Variants in GRIK3 observed in about 807,000 individuals in gnomAD.
The protein encoded by GRIK3 is glutamate receptor ionotropic, kainate 3.
A neutral mutation model predicts 102.5 loss-of-function variants in GRIK3; 29 were observed. That is an observed-to-expected ratio of 0.28 (90% CI 0.21 to 0.39). The LOEUF (loss-of-function observed/expected upper bound fraction) is 0.39. GRIK3 is among the 10% of genes least tolerant of loss of function. The pLI is 1.00. For synonymous variants in GRIK3, 511 were observed against 504.9 expected (o/e 1.01, Z -0.16); for missense variants, 908 against 1,252.4 (o/e 0.73, Z 4.15).
chr1:36,997,358 T>C (rs1377681800), intron 1 of GRIK3, among the ~76,000 whole-genome samples: 1 of 152,208 alleles, frequency 6.6e-6, no homozygotes. Flanking sequence ...GGCTATTGTA[T>C]GCAAGAGAAA....
chr1:37,004,039 C>G (rs1642506371), intron 1 of GRIK3, among the ~76,000 whole-genome samples: 1 of 152,176 alleles, frequency 6.6e-6, no homozygotes, highest in South Asian at 2.1e-4. Flanking sequence ...TCGGCCCAAT[C>G]TCTGCCTTGG....
intron 10 of GRIK3, among the ~76,000 whole-genome samples, chr1:36,833,627 A>G (rs1054000852): frequency 2.0e-5 from 3 of 152,252 alleles, no homozygotes; most frequent in African/African-American, 4.8e-5. Flanking sequence ...GGGCCAACAC[A>G]TGCAGGCCAG....
chr1:36,983,780 G>A (rs1018950971), intron 1 of GRIK3, among the ~76,000 whole-genome samples: 1 of 152,100 alleles, frequency 6.6e-6, no homozygotes, highest in African/African-American at 2.4e-5. Context: ...GATTTTCTTT[G>A]ATGTGAATTA....
chr1:36,898,056 A>G (rs1641192708), intron 1 of GRIK3, among the ~76,000 whole-genome samples: 2 of 152,028 alleles, frequency 1.3e-5, no homozygotes, highest in African/African-American at 4.8e-5. Flanking sequence ...GATAAACATC[A>G]CACACTCTCA....
chr1:36,809,702 T>C (rs930095707), intron 13 of GRIK3, among the ~76,000 whole-genome samples: 7 of 151,990 alleles, frequency 4.6e-5, no homozygotes, highest in African/African-American at 1.7e-4. Context: ...CACAACACCA[T>C]AGATGGAGAC....
intron 1 of GRIK3, among the ~76,000 whole-genome samples, chr1:36,952,170 G>A (rs996589726): frequency 1.3e-4 from 20 of 152,140 alleles, no homozygotes; most frequent in African/African-American, 3.6e-4. Flanking sequence ...TGTACAATAC[G>A]TACCACTCAG....
At chr1:36,978,301 G>C (rs553509725) in intron 1 of GRIK3, among the ~76,000 whole-genome samples, 2 of 152,206 alleles carry the variant, frequency 1.3e-5, no homozygotes, top group African/African-American at 4.8e-5. Flanking sequence ...CCCAGATTAC[G>C]GAGCATCTAT....
At chr1:36,869,702 T>G (rs776155041) in intron 5 of GRIK3, 46 bp downstream of exon 5, 1 of 1,387,170 alleles carries the variant, frequency 7.2e-7, no homozygotes. Flanking sequence ...ACTTGATCCA[T>G]GAGAGTCCCA....
intron 1 of GRIK3, among the ~76,000 whole-genome samples, chr1:37,012,384 C>G (rs775888367): frequency 9.9e-5 from 15 of 152,082 alleles, no homozygotes; most frequent in Non-Finnish European, 1.8e-4. Context: ...TTCATGACAC[C>G]AAAACATTTG....
rs780971873 is a variant in GRIK3 at position 36,865,129 on chromosome 1, C to T, written c.786+4619G>A. ...CTTCCCCATGATATCACTGTTATTGCCAGGAAGTGGCATTAATTGTGATTG... is the reference window on the plus strand; with the variant it reads ...CTTCCCCATGATATCACTGTTATTGTCAGGAAGTGGCATTAATTGTGATTG... On this transcript the variant is annotated intron_variant, in intron 5 of 15. Coordinates refer to ENST00000373091, the MANE Select transcript of GRIK3 (RefSeq NM_000831.4). 1.4e-3 allele frequency among the ~76,000 whole-genome samples: 211 copies of T among 152,226 alleles called. 1 individual carries two copies. The highest frequency in any genetic ancestry group is 3.1e-4 in the Non-Finnish European group (21 of 68,016).
chr1:36,904,836 C>T (rs516863), intron 1 of GRIK3, among the ~76,000 whole-genome samples: 6,653 of 152,204 alleles, frequency 0.044, 388 homozygotes, highest in African/African-American at 0.12. Context: ...GGATTCATTA[C>T]GCTACTCTCT....
chr1:36,904,090 C>T (rs1290615065), intron 1 of GRIK3, among the ~76,000 whole-genome samples: 1 of 152,118 alleles, frequency 6.6e-6, no homozygotes, highest in South Asian at 2.1e-4. Context: ...GGGAAATCTC[C>T]GTGCCTTCCA....
rs1472105478 is a variant in GRIK3 at position 36,798,222 on chromosome 1, C to G, written c.*3629G>C. 1 of 152,298 alleles carries G rather than the reference C, an allele frequency of 6.6e-6. No individual in the cohort carries two copies. Among genetic ancestry groups the G allele is most frequent in the Non-Finnish European group, 1.5e-5 (1 of 68,090 alleles). The allele number at this position is 152,298 out of a possible 1,614,324, so 9.4% of individuals were successfully genotyped here. A position where few individuals can be genotyped will look rare whatever the true frequency, so the allele number is the denominator to read the frequency against. On this transcript the variant is annotated 3_prime_UTR_variant, in exon 16 of 16. Coordinates refer to ENST00000373091, the MANE Select transcript of GRIK3 (RefSeq NM_000831.4). ...ACTGTCCTTAGTCCCAGGGCCTCGG[C>G]AGGGGCGGTGGGGTTGGTGTCTTCT...
At chr1:37,013,680 G>A (rs1642622135) in intron 1 of GRIK3, among the ~76,000 whole-genome samples, 1 of 152,226 alleles carries the variant, frequency 6.6e-6, no homozygotes, top group Admixed American at 6.5e-5. Context: ...GTTTGGACCA[G>A]GCTTTGGTGA....
chr1:36,825,664 T>G lies in GRIK3; in HGVS notation c.1693A>C (p.Ile565Leu). 6.2e-7 allele frequency: 1 copy of G among 1,612,828 alleles called. No homozygotes were observed. The highest frequency in any genetic ancestry group is 8.5e-7 in the Non-Finnish European group (1 of 1,179,422). ...TAGGCGAGGAGAACATACATCCAGATGTCTGGGGACAGGGGATTGAGGAAG... is the reference window on the plus strand; with the variant it reads ...TAGGCGAGGAGAACATACATCCAGAGGTCTGGGGACAGGGGATTGAGGAAG... ...FSFLNPLSPD[I>L]WMYVLLAYLG... The change falls in exon 11 of 16, where the codon ATC becomes CTC. Residue 565 changes from isoleucine (I) to leucine (L), a missense_variant. Coordinates refer to ENST00000373091, the MANE Select transcript of GRIK3 (RefSeq NM_000831.4).
chr1:36,917,375 T>C (rs1641413330), intron 1 of GRIK3, among the ~76,000 whole-genome samples: 1 of 152,096 alleles, frequency 6.6e-6, no homozygotes. Context: ...AGTTAAAACT[T>C]TGGGGGACTG....
intron 13 of GRIK3, among the ~76,000 whole-genome samples, chr1:36,808,517 G>A (rs1557688005): frequency 6.6e-6 from 1 of 152,184 alleles, no homozygotes; most frequent in Non-Finnish European, 1.5e-5. Flanking sequence ...AGGTTCCCAG[G>A]GCAAGAAACA....
At chr1:36,894,107 CA>C (rs1321991205) in intron 1 of GRIK3, among the ~76,000 whole-genome samples, 2 of 152,274 alleles carry the variant, frequency 1.3e-5, no homozygotes, top group African/African-American at 4.8e-5. Context: ...TGACCATAAG[CA>C]CAATCCTGTT....
At chr1:36,929,574 A>T (rs1333785477) in intron 1 of GRIK3, among the ~76,000 whole-genome samples, 1 of 152,202 alleles carries the variant, frequency 6.6e-6, no homozygotes, top group Non-Finnish European at 1.5e-5. Context: ...GGGTTAAACA[A>T]AACTAAATAG....
Sources: gnomAD v4.1 joint callset for allele counts (sites outside exome capture counted in the v4.1 genomes callset) on GRCh38, gnomAD v4.1.1 for gene constraint, MANE v1.5 for transcripts, NCBI Gene and HGNC (gene_info 2026-07-23, HGNC 2026-07-21) for gene names.